Variants in ASH1L observed in about 807,000 individuals in gnomAD.
The protein encoded by ASH1L is ASH1 like histone lysine methyltransferase, also known as histone-lysine N-methyltransferase ASH1L.
ASH1L carries 23 observed loss-of-function variants against 269.0 expected under a neutral mutation model. The ratio of observed to expected loss-of-function variants is 0.09; its 90% CI spans 0.06 to 0.12. The LOEUF (loss-of-function observed/expected upper bound fraction) is 0.12, where lower values mean the gene tolerates loss of function less well. Among genes scored for constraint, ASH1L ranks in the 10% least tolerant of loss-of-function variants. The pLI is 1.00. For missense variants in ASH1L, 2,912 were observed against 3,567.8 expected, an observed-to-expected ratio of 0.82 and a Z score of 4.68; for synonymous variants, 1,187 against 1,253.5, an observed-to-expected ratio of 0.95 and a Z score of 1.12.
At chr1:155,431,151 C>T (rs1465591604) in intron 5 of ASH1L, among the ~76,000 whole-genome samples, 2 of 151,914 alleles carry the variant, frequency 1.3e-5, no homozygotes, top group Non-Finnish European at 2.9e-5. Flanking sequence ...GTGGAGGTTG[C>T]AGTGAGCCAA....
At chr1:155,416,142 A>AT (rs869066607) in intron 5 of ASH1L, among the ~76,000 whole-genome samples, 2 of 122,818 alleles carry the variant, frequency 1.6e-5, no homozygotes, top group African/African-American at 5.3e-5. Context: ...ATTTTATTTT[A>AT]TTTTTTGAGT....
chr1:155,516,403 C>T (rs1001211559), intron 2 of ASH1L, among the ~76,000 whole-genome samples: 2 of 152,072 alleles, frequency 1.3e-5, no homozygotes, highest in African/African-American at 4.8e-5. Context: ...TGTTGGCAGA[C>T]GACACAGTTT....
chr1:155,427,115 GTA>G (rs1361405906), intron 5 of ASH1L, among the ~76,000 whole-genome samples: 2 of 149,630 alleles, frequency 1.3e-5, no homozygotes, highest in Non-Finnish European at 3.0e-5. Context: ...ACCTTTCCAG[GTA>G]TATACTCTGA....
At chr1:155,339,639 T>C (rs1652604175) in intron 25 of ASH1L, among the ~76,000 whole-genome samples, 1 of 152,200 alleles carries the variant, frequency 6.6e-6, no homozygotes, top group Non-Finnish European at 1.5e-5. Context: ...CTTGGGGTCA[T>C]ACGGGGATAT....
chr1:155,382,847 T>C (rs939913319), intron 7 of ASH1L, among the ~76,000 whole-genome samples: 14 of 152,160 alleles, frequency 9.2e-5, no homozygotes, highest in African/African-American at 3.4e-4. Flanking sequence ...CACTTCTACC[T>C]GCCAAGTTGC....
rs569811928 is a variant in ASH1L at position 155,418,482 on chromosome 1, G to C, written c.5829-2559C>G. ...TAAAGAAAAGAATAAATTATGTAAA[G>C]AATATAATACTAACAGAATCTTAGA... On this transcript the variant is annotated intron_variant, in intron 5 of 27. Coordinates refer to ENST00000392403, the MANE Select transcript of ASH1L (RefSeq NM_018489.3). 4.6e-5 allele frequency among the ~76,000 whole-genome samples: 7 copies of C among 151,874 alleles called. No individual in the cohort carries two copies. The South Asian group carries it at 1.0e-3, about 23-fold the overall frequency.
At chr1:155,398,059 T>A (rs1305145188) in intron 6 of ASH1L, among the ~76,000 whole-genome samples, 2 of 152,200 alleles carry the variant, frequency 1.3e-5, no homozygotes, top group East Asian at 3.8e-4. Flanking sequence ...GTCTTGGATT[T>A]AAAACAATGT....
intron 16 of ASH1L, among the ~76,000 whole-genome samples, chr1:155,353,064 A>G (rs1041352151): frequency 1.3e-5 from 2 of 152,224 alleles, no homozygotes; most frequent in Non-Finnish European, 2.9e-5. Context: ...GAGGGACCTT[A>G]GCTTAGTGCT....
At chr1:155,498,256 T>C (rs374406574) in intron 2 of ASH1L, among the ~76,000 whole-genome samples, 16 of 151,904 alleles carry the variant, frequency 1.1e-4, no homozygotes, top group Non-Finnish European at 1.5e-4. Flanking sequence ...CACTGTTCAA[T>C]AGATACACAA....
chr1:155,554,728 G>A (rs1671465997), intron 1 of ASH1L, among the ~76,000 whole-genome samples: 1 of 152,144 alleles, frequency 6.6e-6, no homozygotes, highest in South Asian at 2.1e-4. Context: ...AAAAAACACT[G>A]TATGTCTTTT....
chr1:155,480,734 T>C lies in ASH1L; in HGVS notation c.2136A>G (p.Arg712=), dbSNP rs1228999388. 29 of 1,613,736 alleles carry C rather than the reference T, an allele frequency of 1.8e-5. No individual in the cohort carries two copies. Among genetic ancestry groups the C allele is most frequent in the Non-Finnish European group, 2.1e-5 (25 of 1,179,984 alleles). Residue 712 remains arginine, a synonymous_variant, in exon 3 of 28, where the codon AGA becomes AGG. Coordinates refer to ENST00000392403, the MANE Select transcript of ASH1L (RefSeq NM_018489.3). ...TSLQSKPLKK[R]KGRKPRWTKV... is the part of the protein sequence containing the mutation. ...TAGTCCACCGAGGTTTTCTTCCTTT[T>C]CTTTTTTTTAATGGTTTGGACTGCA...
chr1:155,479,201 C>G lies in ASH1L; in HGVS notation c.3669G>C (p.Arg1223Ser). 1 of 1,614,076 alleles carries G rather than the reference C, an allele frequency of 6.2e-7. No individual in the cohort carries two copies. Among genetic ancestry groups the G allele is most frequent in the South Asian group, 1.1e-5 (1 of 91,070 alleles). ...GAGAAACATGCTCAAAAGAATGCCT[C>G]CTCTTTTTTTGCCCACAAAATTTCT... ...RAEKFCGQKK[R>S]RHSFEHVSLI... is the part of the protein sequence containing the mutation. Residue 1223 changes from arginine (R) to serine (S), a missense_variant, in exon 3 of 28, where the codon AGG becomes AGC. Physicochemically the swap from Arg to Ser is moderately radical, Grantham distance 110 (BLOSUM62 -1). Transcript: ENST00000392403.
intron 13 of ASH1L, among the ~76,000 whole-genome samples, chr1:155,358,223 A>G (rs1654588330): frequency 6.6e-6 from 1 of 152,220 alleles, no homozygotes; most frequent in Non-Finnish European, 1.5e-5. Context: ...CCACTGGAAT[A>G]GAAATGATGG....
Position 155,338,079 on chromosome 1 carries a change from T to G in ASH1L, c.8803+10A>C, listed in dbSNP as rs1437131134. On this transcript the variant is annotated intron_variant, in intron 27 of 27. Transcript: ENST00000392403. ...TCTTAAACCCTAGATATGAACCTGA[T>G]TCTTCTTACCATTTTTTCCAGGGAT... 2 of 1,610,884 alleles carry G rather than the reference T, an allele frequency of 1.2e-6. No homozygotes were observed. The highest frequency in any genetic ancestry group is 1.7e-6 in the Non-Finnish European group (2 of 1,177,844).
chr1:155,458,584 G>C (rs1341819447), intron 4 of ASH1L, among the ~76,000 whole-genome samples: 1 of 152,134 alleles, frequency 6.6e-6, no homozygotes, highest in Non-Finnish European at 1.5e-5. Context: ...GGGTATCATG[G>C]TGGGCACCTG....
At position 155,346,467 on chromosome 1, in the gene ASH1L, T is replaced by C; in HGVS notation, c.7806A>G (p.Val2602=). 6.2e-7 allele frequency: 1 copy of C among 1,613,286 alleles called. No individual in the cohort carries two copies. Among genetic ancestry groups the C allele is most frequent in the Non-Finnish European group, 8.5e-7 (1 of 1,179,290 alleles). Residue 2602 remains valine, a splice_region_variant and synonymous_variant, in exon 21 of 28, where the codon GTA becomes GTG. Transcript: ENST00000392403. ...CTCCCATACAATCACAGTGCTGCCA[T>C]ACCTGTAGAAAAACATACAGTTTGG... ...GLMIQCDKCM[V]WQHCDCMGVN...
At chr1:155,516,195 T>C (rs1163417334) in intron 2 of ASH1L, among the ~76,000 whole-genome samples, 1 of 152,074 alleles carries the variant, frequency 6.6e-6, no homozygotes, top group Non-Finnish European at 1.5e-5. Context: ...GTAATGGCCA[T>C]TGGGAGTTTA....
intron 7 of ASH1L, among the ~76,000 whole-genome samples, chr1:155,388,535 C>A (rs1178754824): frequency 1.3e-5 from 2 of 152,058 alleles, no homozygotes; most frequent in African/African-American, 4.8e-5. Context: ...TTCCTGAGCT[C>A]AAGCAATCCA....
chr1:155,536,532 T>G (rs963785599), intron 1 of ASH1L, among the ~76,000 whole-genome samples: 1 of 152,192 alleles, frequency 6.6e-6, no homozygotes, highest in Non-Finnish European at 1.5e-5. Context: ...TCAAAACATA[T>G]GCAGTCATTT....
Sources: allele counts gnomAD v4.1 joint callset (sites outside exome capture counted in the v4.1 genomes callset), GRCh38; gene constraint gnomAD v4.1.1; transcripts MANE v1.5; gene names NCBI Gene and HGNC (gene_info 2026-07-23, HGNC 2026-07-21).